Variants in CDH9 observed in about 807,000 individuals in gnomAD.
CDH9 encodes cadherin-9.
CDH9 carries 28 observed loss-of-function variants against 70.9 expected under a neutral mutation model. That is an observed-to-expected ratio of 0.40 (90% confidence interval 0.29 to 0.54). The LOEUF (loss-of-function observed/expected upper bound fraction) is 0.54, where lower values mean the gene tolerates loss of function less well. Ranked by LOEUF, CDH9 falls within the 20% of genes least tolerant of loss-of-function variation. CDH9 has a pLI of 0.59. For synonymous variants in CDH9, 409 were observed against 343.1 expected, an observed-to-expected ratio of 1.19 and a Z score of -2.12; for missense variants, 874 against 984.4, an observed-to-expected ratio of 0.89 and a Z score of 1.50.
At chr5:26,951,440 C>T (rs1239395123) in intron 2 of CDH9, among the ~76,000 whole-genome samples, 1 of 151,958 alleles carries the variant, frequency 6.6e-6, no homozygotes, top group Non-Finnish European at 1.5e-5. Context: ...AATGTCCCCA[C>T]TTTAGGGTTG....
intron 1 of CDH9, among the ~76,000 whole-genome samples, chr5:26,992,262 T>C (rs115242671): frequency 0.012 from 1,868 of 152,210 alleles, 56 homozygotes; most frequent in African/African-American, 0.043. Context: ...AGTACTGGTG[T>C]GCAGACTGGG....
chr5:26,933,773 C>T (rs979991197), intron 2 of CDH9, among the ~76,000 whole-genome samples: 86 of 142,632 alleles, frequency 6.0e-4, no homozygotes, highest in Middle Eastern at 3.5e-3. Context: ...AGCAAGACTC[C>T]GTCAAAATAA....
chr5:26,953,213 C>T (rs942627672), intron 2 of CDH9, among the ~76,000 whole-genome samples: 1 of 152,106 alleles, frequency 6.6e-6, no homozygotes, highest in Non-Finnish European at 1.5e-5. Context: ...CCATTTGACA[C>T]ATACAGATTA....
chr5:26,923,427 A>C, intron 2 of CDH9, among the ~76,000 whole-genome samples: 1 of 152,038 alleles, frequency 6.6e-6, no homozygotes, highest in East Asian at 1.9e-4. Context: ...ATACAAAGCA[A>C]ACATTATTAG....
chr5:26,922,251 G>T (rs1741258499), intron 2 of CDH9, among the ~76,000 whole-genome samples: 1 of 151,886 alleles, frequency 6.6e-6, no homozygotes, highest in Non-Finnish European at 1.5e-5. Flanking sequence ...ACACAAAGCA[G>T]ATTTAACCCA....
chr5:26,888,193 G>A (rs965510549), intron 9 of CDH9, among the ~76,000 whole-genome samples: 1 of 152,128 alleles, frequency 6.6e-6, no homozygotes, highest in African/African-American at 2.4e-5. Flanking sequence ...GAGTTGCCAA[G>A]TACATAGGCA....
Position 27,038,480 on chromosome 5 carries a change from C to A in CDH9, c.-67G>T, listed in dbSNP as rs1361789365. ...ACACTTACCTTGCTTAACAATGGAA[C>A]TGAGTTTAGCCCTACTCCGCACTGA... On this transcript the variant is annotated 5_prime_UTR_variant, in exon 1 of 12. Transcript: ENST00000231021. 2 of 151,992 alleles carry A rather than the reference C, an allele frequency of 1.3e-5. No homozygotes were observed. Among genetic ancestry groups the A allele is most frequent in the African/African-American group, 4.8e-5 (2 of 41,418 alleles). The allele number at this position is 151,992 out of a possible 1,614,324, so 9.4% of individuals were successfully genotyped here.
At chr5:26,888,347 A>G (rs1213472577) in intron 9 of CDH9, among the ~76,000 whole-genome samples, 3 of 152,158 alleles carry the variant, frequency 2.0e-5, no homozygotes, top group Non-Finnish European at 4.4e-5. Flanking sequence ...GGTGGTAAAC[A>G]AGCAAAATGT....
intron 11 of CDH9, among the ~76,000 whole-genome samples, chr5:26,881,991 T>C (rs1740475774): frequency 6.6e-6 from 1 of 152,120 alleles, no homozygotes; most frequent in Non-Finnish European, 1.5e-5. Context: ...ATATTGATCA[T>C]TCCTTTCACT....
intron 2 of CDH9, among the ~76,000 whole-genome samples, chr5:26,953,150 T>A (rs950964584): frequency 1.3e-5 from 2 of 152,114 alleles, no homozygotes; most frequent in African/African-American, 4.8e-5. Context: ...AATATTAAAG[T>A]TCATATTTAG....
chr5:27,003,910 A>G (rs754969283), intron 1 of CDH9, among the ~76,000 whole-genome samples: 9 of 152,062 alleles, frequency 5.9e-5, no homozygotes, highest in Non-Finnish European at 1.2e-4. Flanking sequence ...TATGTACTAT[A>G]CCAATGTAAC....
chr5:26,893,684 T>A lies in CDH9; in HGVS notation c.1254-3120A>T, dbSNP rs987123891. On this transcript the variant is annotated intron_variant, in intron 7 of 11. Coordinates refer to ENST00000231021, the MANE Select transcript of CDH9 (RefSeq NM_016279.4). ...ATGCATAACAGCATATATATATATTTTATTTTATTTTATTTTATTTTTATT... is the reference window on the plus strand; with the variant it reads ...ATGCATAACAGCATATATATATATTATATTTTATTTTATTTTATTTTTATT... 6.0e-4 allele frequency among the ~76,000 whole-genome samples: 50 copies of A among 83,502 alleles called. 1 individual carries two copies. Among genetic ancestry groups the A allele is most frequent in the East Asian group, 8.2e-4 (2 of 2,434 alleles). 54.8% of individuals were successfully genotyped at this position (83,502 alleles called of 152,430 possible). A position where few individuals can be genotyped will look rare whatever the true frequency, so the allele number is the denominator to read the frequency against.
chr5:26,916,481 GT>G (rs1003879382), intron 2 of CDH9, among the ~76,000 whole-genome samples: 2 of 151,848 alleles, frequency 1.3e-5, no homozygotes, highest in African/African-American at 4.8e-5. Context: ...TATATATTGT[GT>G]TTTTTCCTAT....
intron 7 of CDH9, among the ~76,000 whole-genome samples, chr5:26,891,407 G>T (rs184101973): frequency 6.6e-6 from 1 of 152,144 alleles, no homozygotes; most frequent in Non-Finnish European, 1.5e-5. Context: ...GACCAGGTGC[G>T]GTGGCTCACG....
intron 2 of CDH9, among the ~76,000 whole-genome samples, chr5:26,960,289 T>C (rs992303272): frequency 3.3e-5 from 5 of 152,004 alleles, no homozygotes; most frequent in African/African-American, 1.2e-4. Flanking sequence ...TTCAATTCCA[T>C]AATCTAAAAA....
At chr5:26,980,618 T>A (rs1216140050) in intron 2 of CDH9, among the ~76,000 whole-genome samples, 2 of 151,966 alleles carry the variant, frequency 1.3e-5, no homozygotes. Context: ...TTTGTGAATA[T>A]CTGGTACAAA....
chr5:27,008,489 CA>C (rs58699887), intron 1 of CDH9, among the ~76,000 whole-genome samples: 33 of 146,972 alleles, frequency 2.2e-4, no homozygotes, highest in South Asian at 8.8e-4. Flanking sequence ...GACCCTCTTT[CA>C]AAAAAAAAAA....
At position 26,889,965 on chromosome 5, in the gene CDH9, G is replaced by T; in HGVS notation, c.1391-8C>A. On this transcript the variant is annotated splice_region_variant and splice_polypyrimidine_tract_variant and intron_variant, in intron 8 of 11. Transcript: ENST00000231021. ...TACTTTGTTTTGGGTTATCTGCAACGAGAACACGTGTAAGATTTCAGTCTC... is the reference window on the plus strand; with the variant it reads ...TACTTTGTTTTGGGTTATCTGCAACTAGAACACGTGTAAGATTTCAGTCTC... 1 of 1,608,736 alleles carries T rather than the reference G, an allele frequency of 6.2e-7. No homozygotes were observed. Among genetic ancestry groups the T allele is most frequent in the Non-Finnish European group, 8.5e-7 (1 of 1,177,584 alleles).
chr5:27,018,124 CAGA>C (rs1168091312), intron 1 of CDH9, among the ~76,000 whole-genome samples: 3 of 151,764 alleles, frequency 2.0e-5, no homozygotes, highest in African/African-American at 7.2e-5. Flanking sequence ...TTTTCTTTCT[CAGA>C]AGATTATTTG....
Sources: gnomAD v4.1 joint callset for allele counts (sites outside exome capture counted in the v4.1 genomes callset) on GRCh38, gnomAD v4.1.1 for gene constraint, MANE v1.5 for transcripts, NCBI Gene and HGNC (gene_info 2026-07-23, HGNC 2026-07-21) for gene names.